The following TTC12 variants were observed in gnomAD, a reference collection of about 807,000 sequenced individuals.
TTC12 encodes tetratricopeptide repeat protein 12.
A neutral mutation model predicts 90.1 loss-of-function variants in TTC12; 70 were observed. The ratio of observed to expected loss-of-function variants is 0.78; its 90% CI spans 0.64 to 0.95. TTC12 has a LOEUF of 0.95. TTC12 is among the 40% of genes least tolerant of loss of function. The pLI is 0.00. For missense variants in TTC12, 819 were observed against 846.1 expected, an observed-to-expected ratio of 0.97 and a Z score of 0.40; for synonymous variants, 296 against 311.5, an observed-to-expected ratio of 0.95 and a Z score of 0.53.
At chr11:113,340,812 A>G (rs189959508) in intron 11 of TTC12, 79 bp downstream of exon 11, 95 of 1,229,562 alleles carry the variant, frequency 7.7e-5, no homozygotes, top group Middle Eastern at 5.6e-4. Flanking sequence ...CACGAGGCAC[A>G]TAGACAGTCA....
In TTC12 at chr11:113,350,184, G is replaced by A. The variant is rs1555149632; in HGVS notation, c.1247+19G>A. 3.2e-6 allele frequency: 5 copies of A among 1,543,976 alleles called. No individual in the cohort carries two copies. The Admixed American group carries it at 8.4e-5, about 26-fold the overall frequency. On this transcript the variant is annotated intron_variant, in intron 14 of 21. Transcript: ENST00000529221. ...AAGAAAGGTAATTTTTTTATTTATA[G>A]AAATTGACATTTCTTCTTCAGTCTT...
At chr11:113,348,511 C>A (rs1263429951) in intron 13 of TTC12, among the ~76,000 whole-genome samples, 5 of 152,224 alleles carry the variant, frequency 3.3e-5, no homozygotes, top group African/African-American at 1.2e-4. Context: ...CAGTTCTCCC[C>A]TGGTTGAATT....
intron 6 of TTC12, among the ~76,000 whole-genome samples, chr11:113,328,811 A>T (rs1208998396): frequency 1.3e-5 from 2 of 152,190 alleles, no homozygotes; most frequent in East Asian, 1.9e-4. Flanking sequence ...CCAGCCCAAG[A>T]TAATCACCAA....
chr11:113,343,228 A>G (rs1452605679), intron 12 of TTC12, among the ~76,000 whole-genome samples: 5 of 152,216 alleles, frequency 3.3e-5, no homozygotes, highest in Admixed American at 6.5e-5. Context: ...TGAGGGGTGA[A>G]TAATAGCTCC....
chr11:113,332,919 T>G (rs1555142957), intron 7 of TTC12, among the ~76,000 whole-genome samples: 1 of 152,188 alleles, frequency 6.6e-6, no homozygotes, highest in Non-Finnish European at 1.5e-5. Context: ...CCCTTATCAT[T>G]GATAGTTAGT....
intron 11 of TTC12, chr11:113,341,622 C>CG: frequency 1.8e-6 from 1 of 550,826 alleles, no homozygotes; most frequent in Non-Finnish European, 3.3e-6. Context: ...GGCTCACTGC[C>CG]CAGCCTCTGT....
intron 6 of TTC12, among the ~76,000 whole-genome samples, chr11:113,328,705 G>T (rs1947844415): frequency 6.6e-6 from 1 of 152,100 alleles, no homozygotes; most frequent in South Asian, 2.1e-4. Context: ...ACAGAGTTGT[G>T]CAACCATCAC....
intron 6 of TTC12, among the ~76,000 whole-genome samples, chr11:113,326,405 A>T (rs1947697884): frequency 6.6e-6 from 1 of 152,108 alleles, no homozygotes; most frequent in Admixed American, 6.5e-5. Flanking sequence ...GGACATGATT[A>T]CCCCATGGTC....
chr11:113,364,743 G>T, intron 20 of TTC12, 92 bp from the exon 21 acceptor site: 2 of 1,010,164 alleles, frequency 2.0e-6, no homozygotes, highest in Non-Finnish European at 3.0e-6. Flanking sequence ...CTCGGTGTCC[G>T]CTGACATCTC....
intron 6 of TTC12, among the ~76,000 whole-genome samples, chr11:113,328,532 C>G (rs1161514669): frequency 6.6e-6 from 1 of 152,124 alleles, no homozygotes; most frequent in Non-Finnish European, 1.5e-5. Context: ...TGCTCTGACT[C>G]TCATATGTCA....
At chr11:113,319,802 C>A (rs73572797) in intron 2 of TTC12, among the ~76,000 whole-genome samples, 1 of 152,078 alleles carries the variant, frequency 6.6e-6, no homozygotes, top group Admixed American at 6.6e-5. Flanking sequence ...AATGAAGAGC[C>A]TGGAGAAGAT....
chr11:113,350,245 T>G (rs1949190601), intron 14 of TTC12, 80 bp downstream of exon 14: 2 of 1,143,594 alleles, frequency 1.7e-6, no homozygotes, highest in Admixed American at 1.9e-5. Context: ...TGTGCTGTAT[T>G]CAGAGAGGCT....
rs2138077076 is a variant in TTC12, at chr11:113,362,461, T to C, written c.1675T>C (p.Leu559=). The C allele has an allele frequency of 6.2e-7, 1 of 1,614,050 alleles. No individual in the cohort carries two copies. The highest frequency in any genetic ancestry group is 1.1e-5 in the South Asian group (1 of 91,080). ...CTCTCTGAAAATTGTTGAGGAGGCC[T>C]TGCGAGCAGGAGTGGTAAAGAAAAT... ...SSSLKIVEEA[L]RAGVVKKMMK... The change falls in exon 19 of 22, where the codon TTG becomes CTG. Residue 559 remains leucine, a synonymous_variant. Transcript: ENST00000529221.
chr11:113,363,792 C>T, intron 19 of TTC12, 36 bp from the exon 20 acceptor site: 1 of 1,459,244 alleles, frequency 6.9e-7, no homozygotes, highest in Non-Finnish European at 9.6e-7. Flanking sequence ...AATCATAGCA[C>T]TGATTTTATT....
At chr11:113,341,660 C>A in intron 11 of TTC12, 177 bp from the exon 12 acceptor site, 1 of 601,920 alleles carries the variant, frequency 1.7e-6, no homozygotes, top group Non-Finnish European at 3.0e-6. Context: ...AGTCTGCATC[C>A]GTGGCCTGGG....
Position 113,340,653 on chromosome 11 carries a change from A to G in TTC12, c.827-11A>G, listed in dbSNP as rs782043279. On this transcript the variant is annotated splice_polypyrimidine_tract_variant and intron_variant, in intron 10 of 21. Transcript: ENST00000529221. Reference sequence around the variant, plus strand: ...GGGAGTCTGAAGTGGTTTTCTTTGTATCTGTTTCAGGCACAGAACAAACTT... The same window carrying G: ...GGGAGTCTGAAGTGGTTTTCTTTGTGTCTGTTTCAGGCACAGAACAAACTT... 1 of 1,612,800 alleles carries G rather than the reference A, an allele frequency of 6.2e-7. No individual in the cohort carries two copies. Among genetic ancestry groups the G allele is most frequent in the Admixed American group, 1.7e-5 (1 of 60,022 alleles).
chr11:113,346,228 C>T (rs961884475), intron 13 of TTC12, among the ~76,000 whole-genome samples: 2 of 152,072 alleles, frequency 1.3e-5, no homozygotes, highest in African/African-American at 4.8e-5. Context: ...AGTTTCAATT[C>T]CCTGCATGTC....
chr11:113,368,082 T>A, downstream of TTC12: 3 of 944,698 alleles, frequency 3.2e-6, no homozygotes, highest in Non-Finnish European at 2.9e-6. Context: ...CTTCCCCTGC[T>A]ATGGCTGCCC....
At chr11:113,349,004 G>A (rs976180042) in intron 13 of TTC12, among the ~76,000 whole-genome samples, 2 of 152,218 alleles carry the variant, frequency 1.3e-5, no homozygotes, top group Non-Finnish European at 2.9e-5. Flanking sequence ...ACCCATCCCT[G>A]TGGGCCCGAC....
Sources: gnomAD v4.1 joint callset for allele counts (sites outside exome capture counted in the v4.1 genomes callset) on GRCh38, gnomAD v4.1.1 for gene constraint, MANE v1.5 for transcripts, NCBI Gene and HGNC (gene_info 2026-07-23, HGNC 2026-07-21) for gene names.